Variants in MYL4 observed in about 807,000 individuals in gnomAD.
The protein encoded by MYL4 is myosin light chain 4.
A neutral mutation model predicts 21.6 loss-of-function variants in MYL4; 16 were observed. The ratio of observed to expected loss-of-function variants is 0.74; its 90% CI spans 0.50 to 1.12. The LOEUF is 1.12. Among genes scored for constraint, MYL4 ranks in the 50% most tolerant of loss-of-function variants. The pLI, the probability that MYL4 is intolerant of heterozygous loss-of-function variation, is 0.00. For missense variants in MYL4, 249 were observed against 252.9 expected (o/e 0.98, Z 0.11); for synonymous variants, 82 against 95.7 (o/e 0.86, Z 0.83).
chr17:47,213,762 G>A (rs2064793143), intron 1 of MYL4, 37 bp from the exon 2 acceptor site: 2 of 1,612,996 alleles, frequency 1.2e-6, no homozygotes, highest in Non-Finnish European at 1.7e-6. Flanking sequence ...ACTGCTTTTA[G>A]CAATCCAAGC....
the MYL4 span, among the ~76,000 whole-genome samples, chr17:47,190,314 GATGT>G: frequency 6.6e-6 from 1 of 152,118 alleles, no homozygotes; most frequent in Non-Finnish European, 1.5e-5. Context: ...AAGAGAATTC[GATGT>G]ATTATAAATG....
rs201717835 is a variant in MYL4 at position 47,220,706 on chromosome 17, A to AATC, written c.313+656_313+658dup. ...TACTCATGTGAGCTGTGCCTCTGTC[A>AATC]ATCATTACGGCAGATGAGAAGAGGT... is the stretch of plus-strand genomic sequence containing the variant. On this transcript the variant is annotated intron_variant, in intron 3 of 6. Transcript: ENST00000393450. 7.7e-3 allele frequency among the ~76,000 whole-genome samples: 1,170 copies of AATC among 152,232 alleles called. 27 individuals are homozygous for AATC. The highest frequency in any genetic ancestry group is 0.027 in the African/African-American group (1,125 of 41,538).
intron 5 of MYL4, among the ~76,000 whole-genome samples, 164 bp downstream of exon 5, chr17:47,222,621 T>C (rs1335754752): frequency 2.0e-5 from 3 of 152,108 alleles, no homozygotes; most frequent in Non-Finnish European, 4.4e-5. Context: ...CCTCCTAGTG[T>C]AATGGCGGGA....
chr17:47,192,532 C>T, the MYL4 span, among the ~76,000 whole-genome samples: 1 of 151,246 alleles, frequency 6.6e-6, no homozygotes, highest in Admixed American at 6.6e-5. Flanking sequence ...ACCTGTGGTC[C>T]CCAGCTGCTG....
downstream of MYL4, among the ~76,000 whole-genome samples, chr17:47,225,608 A>G (rs1737891386): frequency 1.3e-5 from 2 of 152,236 alleles, no homozygotes; most frequent in African/African-American, 4.8e-5. Context: ...TGACTTAATC[A>G]AGGTCACAGC....
upstream of MYL4, among the ~76,000 whole-genome samples, chr17:47,207,070 G>A (rs1028471022): frequency 3.3e-5 from 5 of 152,302 alleles, no homozygotes; most frequent in Admixed American, 6.5e-5. Flanking sequence ...AGCCGGCAAG[G>A]AAGAGAGGTG....
At chr17:47,200,255 G>C (rs927895109), upstream of MYL4, among the ~76,000 whole-genome samples, 1 of 151,532 alleles carries the variant, frequency 6.6e-6, no homozygotes, top group Non-Finnish European at 1.5e-5. Flanking sequence ...TGAGAAGAAA[G>C]AATAATCTTT....
rs200415936 is a variant in MYL4, at chr17:47,221,738, T to G, written c.370T>G (p.Ser124Ala). 1 of 1,614,136 alleles carries G rather than the reference T, an allele frequency of 6.2e-7. No individual in the cohort carries two copies. The highest frequency in any genetic ancestry group is 1.3e-5 in the African/African-American group (1 of 75,062). The change falls in exon 4 of 7, where the codon TCC becomes GCC. Residue 124 changes from serine (S) to alanine (A), a missense_variant. By Grantham distance (99) the Ser-to-Ala change is moderately conservative. Transcript: ENST00000393450. ...GTTCTTGCCCATCCTGCAGCACATTTCCCGCAACAAGGAGCAGGGCACCTA... is the reference window on the plus strand; with the variant it reads ...GTTCTTGCCCATCCTGCAGCACATTGCCCGCAACAAGGAGCAGGGCACCTA... ...ETFLPILQHI[S>A]RNKEQGTYED... is the part of the protein sequence containing the mutation.
the MYL4 span, among the ~76,000 whole-genome samples, chr17:47,191,575 A>G: frequency 1.3e-5 from 2 of 152,098 alleles, no homozygotes; most frequent in African/African-American, 4.8e-5. Context: ...GGTTCAAGCA[A>G]TTCTCCTGTC....
intron 4 of MYL4, 85 bp from the exon 5 acceptor site, chr17:47,222,295 C>A: frequency 7.5e-7 from 1 of 1,324,980 alleles, no homozygotes; most frequent in East Asian, 2.3e-5. Flanking sequence ...CTTGGACCTT[C>A]ACACTTAAGG....
chr17:47,216,915 A>C (rs2064819412), intron 2 of MYL4, among the ~76,000 whole-genome samples: 1 of 152,032 alleles, frequency 6.6e-6, no homozygotes, highest in Non-Finnish European at 1.5e-5. Context: ...GCTGGTCTCA[A>C]ACTCCCAACC....
At chr17:47,205,461 C>T (rs2064723922), upstream of MYL4, among the ~76,000 whole-genome samples, 1 of 152,178 alleles carries the variant, frequency 6.6e-6, no homozygotes, top group Admixed American at 6.5e-5. Flanking sequence ...AGAATGAAGA[C>T]CATAAGACGA....
intron 1 of MYL4, 146 bp downstream of exon 1, chr17:47,209,703 G>A (rs763317034): frequency 3.3e-6 from 4 of 1,226,734 alleles, no homozygotes; most frequent in East Asian, 2.3e-5. Context: ...ATGGGGCAGT[G>A]GAGTGGGTGT....
chr17:47,219,927 T>C lies in MYL4; in HGVS notation c.187T>C (p.Phe63Leu). ...IEEFKEAFSL[F>L]DRTPTGEMKI... Reference sequence around the variant, plus strand: ...AGAGTTCAAAGAGGCCTTTTCATTGTTTGACCGGACCCCGACTGGAGAGAT... The same window carrying C: ...AGAGTTCAAAGAGGCCTTTTCATTGCTTGACCGGACCCCGACTGGAGAGAT... The change falls in exon 3 of 7, where the codon TTT (phenylalanine) becomes CTT (leucine). Residue 63 changes from phenylalanine to leucine, a missense_variant. Transcript: ENST00000393450. 1 of 1,614,198 alleles carries C rather than the reference T, an allele frequency of 6.2e-7. No individual in the cohort carries two copies. The highest frequency in any genetic ancestry group is 2.2e-5 in the East Asian group (1 of 44,880).
intron 2 of MYL4, 123 bp from the exon 3 acceptor site, chr17:47,219,781 C>A: frequency 1.6e-6 from 2 of 1,245,314 alleles, no homozygotes; most frequent in Non-Finnish European, 2.3e-6. Context: ...ATGGACAAAG[C>A]GAAATATTGG....
At chr17:47,213,893 A>G (rs114308079) in intron 2 of MYL4, 67 bp downstream of exon 2, 12 of 1,517,844 alleles carry the variant, frequency 7.9e-6, no homozygotes, top group Non-Finnish European at 1.1e-5. Flanking sequence ...AGGAGGAGGA[A>G]GAAGAGGAGG....
intron 1 of MYL4, among the ~76,000 whole-genome samples, chr17:47,201,461 T>C (rs1358908332): frequency 6.6e-6 from 1 of 151,970 alleles, no homozygotes; most frequent in Non-Finnish European, 1.5e-5. Context: ...TTTCTTTTTT[T>C]TTTTTCTTTT....
intron 2 of MYL4, among the ~76,000 whole-genome samples, chr17:47,218,453 C>T (rs180850704): frequency 6.6e-6 from 1 of 152,244 alleles, no homozygotes; most frequent in Admixed American, 6.5e-5. Context: ...CCCTCCCAGG[C>T]CAAATTACCT....
At chr17:47,213,905 G>C in intron 2 of MYL4, 79 bp downstream of exon 2, 1 of 1,468,182 alleles carries the variant, frequency 6.8e-7, no homozygotes, top group Non-Finnish European at 9.5e-7. Context: ...AAGAGGAGGA[G>C]TAGTTGTCCT....
Sources: allele counts gnomAD v4.1 joint callset (sites outside exome capture counted in the v4.1 genomes callset), GRCh38; gene constraint gnomAD v4.1.1; transcripts MANE v1.5; gene names NCBI Gene and HGNC (gene_info 2026-07-23, HGNC 2026-07-21).